Variants in SLC35F1 observed in about 807,000 individuals in gnomAD.
SLC35F1 encodes solute carrier family 35 member F1, also known as chromosome 6 open reading frame 169.
In SLC35F1, 14 loss-of-function variants were observed where a neutral mutation model predicts 48.7. The observed-to-expected ratio is 0.29, with a 90% CI of 0.19 to 0.45. SLC35F1 has a LOEUF of 0.45. SLC35F1 is among the 20% of genes least tolerant of loss of function. The probability of loss-of-function intolerance (pLI) is 1.00; values close to 1 mark genes in which losing one functional copy is unlikely to be tolerated. For missense variants in SLC35F1, 404 were observed against 500.0 expected (o/e 0.81, Z 1.83); for synonymous variants, 190 against 202.2 (o/e 0.94, Z 0.51).
chr6:118,311,453 T>G (rs1007170542), intron 7 of SLC35F1, among the ~76,000 whole-genome samples: 1 of 152,128 alleles, frequency 6.6e-6, no homozygotes, highest in African/African-American at 2.4e-5. Flanking sequence ...TACTTGACAT[T>G]GGTCAGACAA....
intron 7 of SLC35F1, among the ~76,000 whole-genome samples, chr6:118,288,713 T>A (rs1425959433): frequency 6.6e-6 from 1 of 152,042 alleles, no homozygotes; most frequent in Non-Finnish European, 1.5e-5. Flanking sequence ...CATGCCCAAC[T>A]CCCCCTTCCC....
chr6:118,102,220 G>A (rs906858208), intron 1 of SLC35F1, among the ~76,000 whole-genome samples: 1 of 152,134 alleles, frequency 6.6e-6, no homozygotes. Context: ...GTCTCACTCT[G>A]TTACCCAGCC....
chr6:117,941,848 A>G (rs1458639977), intron 1 of SLC35F1, among the ~76,000 whole-genome samples: 1 of 152,234 alleles, frequency 6.6e-6, no homozygotes, highest in Non-Finnish European at 1.5e-5. Flanking sequence ...TTCCCCATCC[A>G]CATATGGAAA....
chr6:118,052,785 T>C (rs984419372), intron 1 of SLC35F1, among the ~76,000 whole-genome samples: 1 of 152,198 alleles, frequency 6.6e-6, no homozygotes, highest in Non-Finnish European at 1.5e-5. Context: ...ATTAGAATTT[T>C]ATGAGAGAAC....
At chr6:118,093,643 A>T (rs1244102099) in intron 1 of SLC35F1, among the ~76,000 whole-genome samples, 1 of 152,218 alleles carries the variant, frequency 6.6e-6, no homozygotes, top group Non-Finnish European at 1.5e-5. Flanking sequence ...AGCCATGTGG[A>T]ACTGTGAGTC....
chr6:117,955,632 C>T (rs563837124), intron 1 of SLC35F1, among the ~76,000 whole-genome samples: 1 of 152,126 alleles, frequency 6.6e-6, no homozygotes, highest in Non-Finnish European at 1.5e-5. Context: ...CACCACTTCA[C>T]CAGAGACCCA....
At chr6:118,178,608 G>C (rs1774527494) in intron 2 of SLC35F1, among the ~76,000 whole-genome samples, 1 of 152,020 alleles carries the variant, frequency 6.6e-6, no homozygotes, top group South Asian at 2.1e-4. Flanking sequence ...CAAAACCATG[G>C]ATGTGGAGAA....
At chr6:118,223,132 A>G (rs1296169636) in intron 2 of SLC35F1, among the ~76,000 whole-genome samples, 1 of 152,186 alleles carries the variant, frequency 6.6e-6, no homozygotes, top group Non-Finnish European at 1.5e-5. Flanking sequence ...TTGATTTCAG[A>G]AAAATAATAT....
At chr6:118,022,937 T>G (rs1777415082) in intron 1 of SLC35F1, among the ~76,000 whole-genome samples, 1 of 151,954 alleles carries the variant, frequency 6.6e-6, no homozygotes, top group African/African-American at 2.4e-5. Flanking sequence ...TTCTTGTATT[T>G]TTAGTAGAGA....
In SLC35F1 at chr6:118,135,587, C is replaced by T. The variant is rs1257452656; in HGVS notation, c.174-18858C>T. On this transcript the variant is annotated intron_variant, in intron 1 of 7. Transcript: ENST00000360388. ...GCTGCTCTGCAGGCCAGCTGAACTT[C>T]CTACTCACTCCACAGTCCAGTTGGA... is the stretch of plus-strand genomic sequence containing the variant. Among the ~76,000 whole-genome samples, 4 of 152,204 alleles carry T rather than the reference C, an allele frequency of 2.6e-5. No homozygotes were observed. The South Asian group carries it at 8.3e-4, about 32-fold the overall frequency.
At position 118,316,520 on chromosome 6, in the gene SLC35F1, T is replaced by C. The variant is rs929096310; in HGVS notation, c.*2268T>C. 1.3e-5 allele frequency: 2 copies of C among 152,682 alleles called. No individual in the cohort carries two copies. The highest frequency in any genetic ancestry group is 2.9e-5 in the Non-Finnish European group (2 of 68,044). 9.5% of individuals were successfully genotyped at this position (152,682 alleles called of 1,614,324 possible). On this transcript the variant is annotated 3_prime_UTR_variant, in exon 8 of 8. Coordinates refer to ENST00000360388, the MANE Select transcript of SLC35F1 (RefSeq NM_001029858.4). The stretch of plus-strand genomic sequence containing the variant: ...GATTTATTGCATTTTTAGTATTTAT[T>C]TTAAGCCAGATGTTTTCATCTTTGA...
intron 1 of SLC35F1, among the ~76,000 whole-genome samples, chr6:118,038,291 T>C (rs887324295): frequency 6.6e-6 from 1 of 152,136 alleles, no homozygotes; most frequent in African/African-American, 2.4e-5. Flanking sequence ...TTTTTCTTCA[T>C]TATTCAGTCA....
chr6:118,296,097 G>C (rs1173733322), intron 7 of SLC35F1, among the ~76,000 whole-genome samples: 5 of 152,178 alleles, frequency 3.3e-5, no homozygotes, highest in Non-Finnish European at 7.3e-5. Flanking sequence ...GCAGGAGTCA[G>C]AAAACCCTAA....
At chr6:118,275,104 G>C (rs1272092624) in intron 4 of SLC35F1, among the ~76,000 whole-genome samples, 1 of 152,112 alleles carries the variant, frequency 6.6e-6, no homozygotes, top group Non-Finnish European at 1.5e-5. Flanking sequence ...TAGAACTTGG[G>C]AGGTGGAGGT....
At chr6:118,142,033 C>T (rs1374520354) in intron 1 of SLC35F1, among the ~76,000 whole-genome samples, 1 of 152,204 alleles carries the variant, frequency 6.6e-6, no homozygotes, top group African/African-American at 2.4e-5. Context: ...CCTCCTAAAA[C>T]AGGCTAATTG....
At chr6:118,073,632 C>A (rs775404796) in intron 1 of SLC35F1, among the ~76,000 whole-genome samples, 1 of 152,042 alleles carries the variant, frequency 6.6e-6, no homozygotes, top group Middle Eastern at 3.2e-3. Flanking sequence ...AGTTATCTAA[C>A]CCAAAATCAA....
In SLC35F1 at chr6:118,112,820, A is replaced by G. The variant is rs544001868; in HGVS notation, c.174-41625A>G. 4.6e-5 allele frequency among the ~76,000 whole-genome samples: 7 copies of G among 152,310 alleles called. No individual in the cohort carries two copies. In the East Asian group the frequency reaches 1.3e-3, roughly 29 times the overall value. On this transcript the variant is annotated intron_variant, in intron 1 of 7. Coordinates refer to ENST00000360388, the MANE Select transcript of SLC35F1 (RefSeq NM_001029858.4). The stretch of plus-strand genomic sequence containing the variant: ...GGAAGACAACCAAAAAACAACCAAC[A>G]AAGTCAACAAATAGAAAACACTTAC...
intron 2 of SLC35F1, among the ~76,000 whole-genome samples, chr6:118,215,461 C>T (rs1041106264): frequency 6.6e-6 from 1 of 151,722 alleles, no homozygotes; most frequent in Non-Finnish European, 1.5e-5. Flanking sequence ...TGCTAGGCAA[C>T]GGAGACACCG....
chr6:117,923,763 G>GTATATATACATATGTACATATGTA (rs1775969946), intron 1 of SLC35F1, among the ~76,000 whole-genome samples: 1 of 18,080 alleles, frequency 5.5e-5, no homozygotes, highest in Non-Finnish European at 9.5e-5. Context: ...ATATACATAT[G>GTATATATACATATGTACATATGTA]CACATACATA....
Sources: allele counts gnomAD v4.1 joint callset (sites outside exome capture counted in the v4.1 genomes callset), GRCh38; gene constraint gnomAD v4.1.1; transcripts MANE v1.5; gene names NCBI Gene and HGNC (gene_info 2026-07-23, HGNC 2026-07-21).